ZZZ3: variants seen among roughly 807,000 people sequenced by gnomAD.
ZZZ3 encodes ZZ-type zinc finger-containing protein 3.
ZZZ3 carries 22 observed loss-of-function variants against 95.2 expected under a neutral mutation model. The ratio of observed to expected loss-of-function variants is 0.23; its 90% CI spans 0.17 to 0.33. The LOEUF (loss-of-function observed/expected upper bound fraction) is 0.33. Among genes scored for constraint, ZZZ3 ranks in the 10% least tolerant of loss-of-function variants. The probability of loss-of-function intolerance (pLI) is 1.00; values close to 1 mark genes in which losing one functional copy is unlikely to be tolerated. For synonymous variants in ZZZ3, 335 were observed against 358.9 expected (o/e 0.93, Z 0.75); for missense variants, 885 against 1,066.5 (o/e 0.83, Z 2.37).
intron 12 of ZZZ3, among the ~76,000 whole-genome samples, chr1:77,575,013 G>A (rs138246695): frequency 9.9e-5 from 15 of 152,116 alleles, no homozygotes; most frequent in East Asian, 1.9e-4. Context: ...GTGAACCCCC[G>A]CCTCTACTGA....
At chr1:77,663,907 G>A (rs536352702) in intron 1 of ZZZ3, among the ~76,000 whole-genome samples, 2 of 151,920 alleles carry the variant, frequency 1.3e-5, no homozygotes, top group East Asian at 1.9e-4. Context: ...GTGCCACCAC[G>A]CCTGGCTAAT....
In ZZZ3 at chr1:77,592,397, G is replaced by A. The variant is rs149210944; in HGVS notation, c.1506-7742C>T. On this transcript the variant is annotated intron_variant, in intron 5 of 14. Transcript: ENST00000370801. ...AGCTCACTGCAACCTCCGCCTCCCG[G>A]GTTCAAGTGATTCTCCTGCCTCAGC... is the stretch of plus-strand genomic sequence containing the variant. 2.4e-3 allele frequency among the ~76,000 whole-genome samples: 363 copies of A among 152,294 alleles called. 2 individuals carry two copies. Among genetic ancestry groups the A allele is most frequent in the African/African-American group, 8.5e-3 (353 of 41,574 alleles).
At chr1:77,654,856 C>T (rs769369657) in intron 1 of ZZZ3, among the ~76,000 whole-genome samples, 1 of 151,962 alleles carries the variant, frequency 6.6e-6, no homozygotes, top group Non-Finnish European at 1.5e-5. Flanking sequence ...TCTATGTTGC[C>T]CAAGCTGGTC....
At chr1:77,567,156 A>AACACCAC in intron 13 of ZZZ3, among the ~76,000 whole-genome samples, 1 of 152,306 alleles carries the variant, frequency 6.6e-6, no homozygotes, top group South Asian at 2.1e-4. Flanking sequence ...TGCACCCACC[A>AACACCAC]ACACCACCAA....
At chr1:77,607,582 T>G (rs1665365898) in intron 5 of ZZZ3, among the ~76,000 whole-genome samples, 1 of 152,158 alleles carries the variant, frequency 6.6e-6, no homozygotes, top group South Asian at 2.1e-4. Flanking sequence ...ATAGAAAAAC[T>G]GATCACACAG....
At chr1:77,681,610 G>T (rs903998443) in intron 1 of ZZZ3, among the ~76,000 whole-genome samples, 1 of 152,130 alleles carries the variant, frequency 6.6e-6, no homozygotes, top group Non-Finnish European at 1.5e-5. Flanking sequence ...GGCCGGGCGC[G>T]GTGGCTCACG....
chr1:77,665,088 C>T (rs61777121), intron 1 of ZZZ3, among the ~76,000 whole-genome samples: 2,473 of 152,252 alleles, frequency 0.016, 28 homozygotes, highest in Non-Finnish European at 0.024. Flanking sequence ...TTCCTGGAAT[C>T]CAATCAAGTG....
chr1:77,588,769 G>A (rs1483305181), intron 5 of ZZZ3, among the ~76,000 whole-genome samples: 4 of 151,838 alleles, frequency 2.6e-5, no homozygotes, highest in South Asian at 2.1e-4. Flanking sequence ...TACCTTTTCC[G>A]TAAGGATAGC....
At chr1:77,611,835 C>T (rs978208604) in intron 5 of ZZZ3, among the ~76,000 whole-genome samples, 3 of 151,898 alleles carry the variant, frequency 2.0e-5, no homozygotes, top group South Asian at 2.1e-4. Context: ...CAAATGAAAA[C>T]GAGTGAAAGA....
chr1:77,645,381 G>T (rs1449204003), intron 1 of ZZZ3: 1 of 151,820 alleles, frequency 6.6e-6, no homozygotes, highest in Non-Finnish European at 1.5e-5. Context: ...GAGGGAGGAG[G>T]ATCGCTTGAG....
At chr1:77,660,161 A>C (rs1170090425) in intron 1 of ZZZ3, among the ~76,000 whole-genome samples, 1 of 152,176 alleles carries the variant, frequency 6.6e-6, no homozygotes, top group Non-Finnish European at 1.5e-5. Flanking sequence ...GGTAAAGAAG[A>C]GTATGCCTCG....
At chr1:77,663,346 A>T (rs1670980674) in intron 1 of ZZZ3, among the ~76,000 whole-genome samples, 1 of 152,140 alleles carries the variant, frequency 6.6e-6, no homozygotes, top group Non-Finnish European at 1.5e-5. Context: ...CAGAAAAAAA[A>T]AGTCTGGTGG....
upstream of ZZZ3, chr1:77,682,744 A>G (rs75507516): frequency 3.3e-5 from 5 of 151,572 alleles, no homozygotes; most frequent in Admixed American, 2.6e-4. Flanking sequence ...GGCGGTACAG[A>G]AAAAAATCAG....
intron 1 of ZZZ3, among the ~76,000 whole-genome samples, chr1:77,673,904 G>A (rs1020474970): frequency 2.0e-5 from 3 of 151,226 alleles, no homozygotes; most frequent in African/African-American, 4.9e-5. Context: ...CACTGCTTGA[G>A]GAATTCAAAG....
chr1:77,572,958 T>C (rs1371104903), intron 12 of ZZZ3, among the ~76,000 whole-genome samples: 1 of 152,090 alleles, frequency 6.6e-6, no homozygotes, highest in Non-Finnish European at 1.5e-5. Flanking sequence ...ATTGTACTTT[T>C]TTTAAGTACT....
intron 5 of ZZZ3, among the ~76,000 whole-genome samples, chr1:77,619,793 AATG>A (rs1666671912): frequency 6.6e-6 from 1 of 152,152 alleles, no homozygotes; most frequent in Admixed American, 6.5e-5. Context: ...TAACCATATG[AATG>A]ATGATATCGC....
At chr1:77,634,555 C>G (rs926359181) in intron 4 of ZZZ3, among the ~76,000 whole-genome samples, 7 of 152,100 alleles carry the variant, frequency 4.6e-5, no homozygotes, top group African/African-American at 1.7e-4. Flanking sequence ...GGGAAGAAGC[C>G]TCTGAAGCAA....
intron 4 of ZZZ3, 54 bp downstream of exon 4, chr1:77,639,389 AAAAAAG>A: frequency 7.1e-7 from 1 of 1,404,818 alleles, no homozygotes; most frequent in South Asian, 1.5e-5. Context: ...TCTCAAAAAA[AAAAAAG>A]AAGAAGAAGT....
At chr1:77,614,212 T>C (rs1486958949) in intron 5 of ZZZ3, among the ~76,000 whole-genome samples, 1 of 152,190 alleles carries the variant, frequency 6.6e-6, no homozygotes, top group African/African-American at 2.4e-5. Context: ...CAGTAGCTTA[T>C]CAAGATACAT....
Sources: allele counts gnomAD v4.1 joint callset (sites outside exome capture counted in the v4.1 genomes callset), GRCh38; gene constraint gnomAD v4.1.1; transcripts MANE v1.5; gene names NCBI Gene and HGNC (gene_info 2026-07-23, HGNC 2026-07-21).